The following TTC28 variants were observed in gnomAD, a reference collection of about 807,000 sequenced individuals.
The protein encoded by TTC28 is tetratricopeptide repeat domain 28, also known as tetratricopeptide repeat protein 28.
A neutral mutation model predicts 198.0 loss-of-function variants in TTC28; 61 were observed. The observed-to-expected ratio is 0.31, with a 90% CI of 0.25 to 0.38. The LOEUF is 0.38. TTC28 is among the 10% of genes least tolerant of loss of function. TTC28 has a pLI of 1.00. For missense variants in TTC28, 2,678 were observed against 3,164.0 expected (o/e 0.85, Z 3.69); for synonymous variants, 1,171 against 1,297.8 (o/e 0.90, Z 2.10).
intron 2 of TTC28, among the ~76,000 whole-genome samples, chr22:28,341,656 G>A (rs1219551396): frequency 1.3e-5 from 2 of 152,028 alleles, no homozygotes; most frequent in African/African-American, 4.8e-5. Flanking sequence ...GCGGGGCGTG[G>A]TGGCATGCCT....
At chr22:28,101,711 T>C (rs2146882684) in intron 8 of TTC28, among the ~76,000 whole-genome samples, 1 of 134,990 alleles carries the variant, frequency 7.4e-6, no homozygotes, top group South Asian at 2.4e-4. Flanking sequence ...CTCAGGAGGC[T>C]GAGGCAGGAG....
intron 1 of TTC28, among the ~76,000 whole-genome samples, chr22:28,639,016 G>C (rs868244485): frequency 6.6e-6 from 1 of 152,104 alleles, no homozygotes; most frequent in Non-Finnish European, 1.5e-5. Flanking sequence ...AAATGTAAAA[G>C]TTGCATAACC....
At chr22:27,996,756 C>G (rs1937560421) in intron 16 of TTC28, among the ~76,000 whole-genome samples, 1 of 151,970 alleles carries the variant, frequency 6.6e-6, no homozygotes, top group African/African-American at 2.4e-5. Context: ...TTTCCACACT[C>G]CCTTCCGAAA....
intron 1 of TTC28, among the ~76,000 whole-genome samples, chr22:28,660,163 T>C (rs1401657835): frequency 6.6e-6 from 1 of 152,166 alleles, no homozygotes; most frequent in Non-Finnish European, 1.5e-5. Context: ...ACAAACCTGG[T>C]CTAAAACTAA....
At chr22:28,607,217 T>C (rs1473993942) in intron 2 of TTC28, among the ~76,000 whole-genome samples, 1 of 152,172 alleles carries the variant, frequency 6.6e-6, no homozygotes, top group Non-Finnish European at 1.5e-5. Flanking sequence ...AGCTTAACTA[T>C]TTATTTGGGT....
rs556583901 is a variant in TTC28, at chr22:28,204,497, G to C, written c.934-40898C>G. On this transcript the variant is annotated intron_variant, in intron 5 of 22. Transcript: ENST00000397906. ...TGTCCACATTTTCCATATTGCACTG[G>C]AACTGTAATTCAAATCCAGCTCCAT... Among the ~76,000 whole-genome samples, 9 of 152,072 alleles carry C rather than the reference G, an allele frequency of 5.9e-5. No homozygotes were observed. In the South Asian group the frequency reaches 1.5e-3, roughly 25 times the overall value.
At chr22:28,608,854 T>G (rs988673450) in intron 2 of TTC28, among the ~76,000 whole-genome samples, 1 of 152,150 alleles carries the variant, frequency 6.6e-6, no homozygotes, top group African/African-American at 2.4e-5. Context: ...TGACAAAGAA[T>G]AGAGATTTTA....
At chr22:28,458,704 A>AC (rs1489805243) in intron 2 of TTC28, among the ~76,000 whole-genome samples, 1 of 151,724 alleles carries the variant, frequency 6.6e-6, no homozygotes, top group East Asian at 1.9e-4. Flanking sequence ...ACACGGTGAA[A>AC]CCCCATCTCT....
At chr22:28,391,200 C>T (rs1301390146) in intron 2 of TTC28, among the ~76,000 whole-genome samples, 5 of 152,214 alleles carry the variant, frequency 3.3e-5, no homozygotes, top group African/African-American at 4.8e-5. Flanking sequence ...AGAGTTTCTG[C>T]CGAGACATCA....
intron 2 of TTC28, among the ~76,000 whole-genome samples, chr22:28,387,519 C>T (rs1214018349): frequency 4.6e-5 from 7 of 152,254 alleles, no homozygotes; most frequent in East Asian, 1.9e-4. Flanking sequence ...TTTCCTGACT[C>T]TTTAATGATT....
chr22:28,154,729 G>T (rs761965393), intron 6 of TTC28, among the ~76,000 whole-genome samples: 4 of 151,894 alleles, frequency 2.6e-5, no homozygotes, highest in Non-Finnish European at 4.4e-5. Flanking sequence ...AAATAGCTAG[G>T]CTACACTTTA....
At chr22:28,093,941 G>A in intron 12 of TTC28, 139 bp downstream of exon 12, 2 of 846,504 alleles carry the variant, frequency 2.4e-6, no homozygotes, top group East Asian at 2.7e-5. Context: ...ATTTGTTTCT[G>A]CTGCAGCAGC....
At position 27,998,791 on chromosome 22, in the gene TTC28, A is replaced by G; in HGVS notation, c.4868T>C (p.Leu1623Pro). ...GCTGTTGGACTCCTGGGAGGAGCCA[A>G]GCACCACCAGCTTCACAGGCAGCTG... The part of the protein sequence containing the change: ...DLQLPVKLVV[L>P]GSSQESNSKV... The change falls in exon 16 of 23, where the codon CTT becomes CCT. Residue 1623 changes from leucine to proline, a missense_variant. Physicochemically the swap from Leu to Pro is moderately conservative, Grantham distance 98. Coordinates refer to ENST00000397906, the MANE Select transcript of TTC28 (RefSeq NM_001145418.2). 6.4e-7 allele frequency: 1 copy of G among 1,550,688 alleles called. No individual in the cohort carries two copies.
At chr22:28,298,976 G>T (rs1282630053) in intron 3 of TTC28, among the ~76,000 whole-genome samples, 1 of 152,136 alleles carries the variant, frequency 6.6e-6, no homozygotes, top group East Asian at 1.9e-4. Context: ...TATTAAGATG[G>T]AAGATAAAAT....
chr22:28,648,250 C>T (rs2051507228), intron 1 of TTC28, among the ~76,000 whole-genome samples: 1 of 144,160 alleles, frequency 6.9e-6, no homozygotes, highest in Non-Finnish European at 1.5e-5. Context: ...AAATGCTCGA[C>T]ATCAGTAATC....
intron 2 of TTC28, among the ~76,000 whole-genome samples, chr22:28,615,724 TCATAAGTG>T (rs2050894254): frequency 7.1e-6 from 1 of 141,574 alleles, no homozygotes; most frequent in African/African-American, 2.7e-5. Context: ...ATGTTTGCAC[TCATAAGTG>T]GGTGTTCAAC....
rs1601467970 is a variant in TTC28 at position 27,978,072 on chromosome 22, A to T, written c.*4149T>A. ...CTGAAAATCACAAAGGAGGAAGGCC[A>T]AGTGCCTTAGCAATCTCAATAAAAA... On this transcript the variant is annotated 3_prime_UTR_variant, in exon 23 of 23. Transcript: ENST00000397906. 1 of 152,354 alleles carries T rather than the reference A, an allele frequency of 6.6e-6. No individual in the cohort carries two copies. Among genetic ancestry groups the T allele is most frequent in the Non-Finnish European group, 1.5e-5 (1 of 68,040 alleles). The allele number at this position is 152,354 out of a possible 1,614,324, so 9.4% of individuals were successfully genotyped here.
At chr22:28,400,812 C>CT (rs990074864) in intron 2 of TTC28, among the ~76,000 whole-genome samples, 4 of 152,158 alleles carry the variant, frequency 2.6e-5, no homozygotes, top group African/African-American at 9.7e-5. Flanking sequence ...CTCCAGGCCA[C>CT]TTTTTAATGC....
intron 1 of TTC28, among the ~76,000 whole-genome samples, chr22:28,635,823 C>T (rs1446258070): frequency 2.0e-5 from 3 of 152,022 alleles, no homozygotes; most frequent in African/African-American, 4.8e-5. Flanking sequence ...GGTGAAAATA[C>T]TTAAGATCTA....
Sources: allele counts gnomAD v4.1 joint callset (sites outside exome capture counted in the v4.1 genomes callset), GRCh38; gene constraint gnomAD v4.1.1; transcripts MANE v1.5; gene names NCBI Gene and HGNC (gene_info 2026-07-23, HGNC 2026-07-21).